The following FAM135B variants were observed in gnomAD, a reference collection of about 807,000 sequenced individuals.
FAM135B encodes the protein family with sequence similarity 135 member B.
In FAM135B, 43 loss-of-function variants were observed where a neutral mutation model predicts 127.7. The ratio of observed to expected loss-of-function variants is 0.34; its 90% CI spans 0.26 to 0.43. The LOEUF (loss-of-function observed/expected upper bound fraction) is 0.43. Among genes scored for constraint, FAM135B ranks in the 20% least tolerant of loss-of-function variants. The pLI is 1.00. For synonymous variants in FAM135B, 670 were observed against 665.1 expected (o/e 1.01, Z -0.11); for missense variants, 1,558 against 1,725.6 (o/e 0.90, Z 1.72).
At chr8:138,140,001 G>C (rs1441956163) in intron 17 of FAM135B, among the ~76,000 whole-genome samples, 1 of 152,188 alleles carries the variant, frequency 6.6e-6, no homozygotes, top group East Asian at 1.9e-4. Flanking sequence ...CTAGATTGGA[G>C]ATATTATTGG....
chr8:138,296,900 C>T, intron 3 of FAM135B, among the ~76,000 whole-genome samples: 1 of 152,168 alleles, frequency 6.6e-6, no homozygotes, highest in East Asian at 1.9e-4. Flanking sequence ...AATGTTCACA[C>T]TCCCTTCCTC....
At chr8:138,139,174 T>A in intron 17 of FAM135B, 78 bp from the exon 18 acceptor site, 1 of 822,322 alleles carries the variant, frequency 1.2e-6, no homozygotes, top group Non-Finnish European at 2.0e-6. Context: ...TTTGGTGAGA[T>A]GAACGTTAAA....
At position 138,145,954 on chromosome 8, in the gene FAM135B, C is replaced by A. The variant is rs1485758279; in HGVS notation, c.3540+5G>T. The A allele has an allele frequency of 6.6e-7, 1 of 1,515,082 alleles. No homozygotes were observed. Among genetic ancestry groups the A allele is most frequent in the Non-Finnish European group, 9.2e-7 (1 of 1,090,402 alleles). The allele number at this position is 1,515,082 out of a possible 1,614,324, so 93.9% of individuals were successfully genotyped here. ...CTTCCAGTTCTGATATTTGTATCAT[C>A]ATACCTGATTCTTTTCAGACATTAG... On this transcript the variant is annotated splice_donor_5th_base_variant and intron_variant, in intron 15 of 19. Transcript: ENST00000395297.
At chr8:138,134,996 G>A (rs779745446) in intron 19 of FAM135B, among the ~76,000 whole-genome samples, 3 of 152,180 alleles carry the variant, frequency 2.0e-5, no homozygotes, top group Non-Finnish European at 4.4e-5. Context: ...TGCTATGCTA[G>A]AGCAGGAGTT....
intron 1 of FAM135B, among the ~76,000 whole-genome samples, chr8:138,428,345 G>A (rs1835013529): frequency 6.6e-6 from 1 of 152,052 alleles, no homozygotes; most frequent in Non-Finnish European, 1.5e-5. Context: ...AACTATCTTA[G>A]CTAGTAATTG....
intron 9 of FAM135B, among the ~76,000 whole-genome samples, chr8:138,182,745 G>A (rs1159378683): frequency 6.6e-6 from 1 of 152,240 alleles, no homozygotes; most frequent in Non-Finnish European, 1.5e-5. Flanking sequence ...ATTAAGTCAA[G>A]AGAAGCCTGC....
chr8:138,132,878 G>T lies in FAM135B; in HGVS notation c.4016-80C>A. ...TAGAGAACATCACTAGATGTGTGTC[G>T]AAATTCTGTTCCTGGGCAGACCTGT... On this transcript the variant is annotated intron_variant, in intron 19 of 19. Transcript: ENST00000395297. The surrounding 1 kb of genome is among the most constrained non-coding windows in gnomAD (Gnocchi z 4.5). The T allele has an allele frequency of 7.7e-7, 1 of 1,299,608 alleles. No homozygotes were observed. Among genetic ancestry groups the T allele is most frequent in the Non-Finnish European group, 1.1e-6 (1 of 899,062 alleles). The allele number at this position is 1,299,608 out of a possible 1,614,324, so 80.5% of individuals were successfully genotyped here.
intron 1 of FAM135B, among the ~76,000 whole-genome samples, chr8:138,423,457 G>C (rs1487652352): frequency 6.6e-6 from 1 of 152,112 alleles, no homozygotes; most frequent in Admixed American, 6.5e-5. Context: ...CTGGGTGTCT[G>C]GGGGAGACAT....
chr8:138,388,369 A>T (rs1832344955), intron 1 of FAM135B, among the ~76,000 whole-genome samples: 1 of 152,204 alleles, frequency 6.6e-6, no homozygotes, highest in Admixed American at 6.5e-5. Flanking sequence ...CTCTTACTAT[A>T]AGATCCAGTA....
rs551820450 is a variant in FAM135B, at chr8:138,406,310, A to G, written c.-19-38308T>C. Reference sequence around the variant, plus strand: ...AGAGTCTAGGAGCAGATGGATTCACAGCTGAATTCTACCAGAGGTACAGGG... The same window carrying G: ...AGAGTCTAGGAGCAGATGGATTCACGGCTGAATTCTACCAGAGGTACAGGG... On this transcript the variant is annotated intron_variant, in intron 1 of 19. Transcript: ENST00000395297. 8.1e-4 allele frequency among the ~76,000 whole-genome samples: 124 copies of G among 152,290 alleles called. 1 individual carries two copies. The highest frequency in any genetic ancestry group is 2.7e-3 in the African/African-American group (111 of 41,548).
Position 138,356,244 on chromosome 8 carries a change from A to G in FAM135B, c.77+11663T>C, listed in dbSNP as rs1830081154. On this transcript the variant is annotated intron_variant, in intron 2 of 19. Coordinates refer to ENST00000395297, the MANE Select transcript of FAM135B (RefSeq NM_015912.4). The stretch of plus-strand genomic sequence containing the variant: ...ACTAAAATGGTGTGTTGAGGGGGGC[A>G]TGGTAGAGACAGAAAGGGAAAGAGA... Among the ~76,000 whole-genome samples the G allele has an allele frequency of 2.0e-5, 3 of 147,850 alleles. No individual in the cohort carries two copies. In the South Asian group the frequency reaches 6.7e-4, roughly 33 times the overall value.
intron 1 of FAM135B, among the ~76,000 whole-genome samples, chr8:138,392,251 C>T (rs1182569661): frequency 1.3e-5 from 2 of 152,334 alleles, no homozygotes; most frequent in Non-Finnish European, 2.9e-5. Context: ...AATCTAGCTT[C>T]TACTCCCAAC....
At chr8:138,260,456 A>G (rs1486939606) in intron 4 of FAM135B, among the ~76,000 whole-genome samples, 8 of 152,124 alleles carry the variant, frequency 5.3e-5, no homozygotes, top group Admixed American at 3.9e-4. Context: ...CTCTGCTGTT[A>G]GTGCTAAGAT....
chr8:138,206,329 C>CCTCCACCTACACACAACCCTATCATCT (rs1563768722), intron 7 of FAM135B, among the ~76,000 whole-genome samples: 3 of 130,058 alleles, frequency 2.3e-5, no homozygotes, highest in African/African-American at 5.7e-5. Context: ...CTCTATCATC[C>CCTCCACCTACACACAACCCTATCATCT]CCTCCACCTA....
chr8:138,145,844 C>G (rs1287756506), intron 15 of FAM135B, 115 bp downstream of exon 15: 1 of 608,672 alleles, frequency 1.6e-6, no homozygotes. Flanking sequence ...GCCAGCATCT[C>G]TTTTCAAGGT....
intron 1 of FAM135B, among the ~76,000 whole-genome samples, chr8:138,404,257 A>C (rs1180771400): frequency 6.6e-6 from 1 of 152,186 alleles, no homozygotes; most frequent in South Asian, 2.1e-4. Flanking sequence ...TTAAGTGTGC[A>C]ATGCCATTAT....
Position 138,285,322 on chromosome 8 carries a change from T to C in FAM135B, c.158-19480A>G, listed in dbSNP as rs111313606. Among the ~76,000 whole-genome samples the C allele has an allele frequency of 9.9e-3, 1,511 of 151,982 alleles. 23 individuals are homozygous for C. The highest frequency in any genetic ancestry group is 0.035 in the African/African-American group (1,447 of 41,442). On this transcript the variant is annotated intron_variant, in intron 3 of 19. Transcript: ENST00000395297. Reference sequence around the variant, plus strand: ...TCAACATGCCCGGCTAATTTTTGTATTTTCAGTAGAGACAGGGTTTCACCA... The same window carrying C: ...TCAACATGCCCGGCTAATTTTTGTACTTTCAGTAGAGACAGGGTTTCACCA...
intron 3 of FAM135B, among the ~76,000 whole-genome samples, chr8:138,293,475 T>C (rs991954724): frequency 1.7e-4 from 26 of 152,148 alleles, no homozygotes; most frequent in African/African-American, 6.3e-4. Context: ...ACTTACAGAA[T>C]GGGAGAAAAC....
At chr8:138,318,525 A>T (rs984513498) in intron 2 of FAM135B, among the ~76,000 whole-genome samples, 1 of 152,208 alleles carries the variant, frequency 6.6e-6, no homozygotes, top group African/African-American at 2.4e-5. Context: ...AGCAAGTAGC[A>T]GCTCAAGGGT....
Sources: gnomAD v4.1 joint callset for allele counts (sites outside exome capture counted in the v4.1 genomes callset) on GRCh38, gnomAD v4.1.1 for gene constraint, Gnocchi (gnomAD v3.1) non-coding constraint, MANE v1.5 for transcripts, NCBI Gene and HGNC (gene_info 2026-07-23, HGNC 2026-07-21) for gene names.